OTOGL: variants seen among roughly 807,000 people sequenced by gnomAD.
The protein encoded by OTOGL is otogelin-like protein.
Under a neutral mutation model 318.5 loss-of-function variants are expected in OTOGL, and 285 were observed. That is an observed-to-expected ratio of 0.89 (90% CI 0.81 to 0.99). The LOEUF (loss-of-function observed/expected upper bound fraction) is 0.99. Among genes scored for constraint, OTOGL ranks in the 50% least tolerant of loss-of-function variants. The pLI, the probability that OTOGL is intolerant of heterozygous loss-of-function variation, is 0.00. For synonymous variants in OTOGL, 987 were observed against 936.5 expected, an observed-to-expected ratio of 1.05 and a Z score of -0.99; for missense variants, 2,899 against 2,845.6, an observed-to-expected ratio of 1.02 and a Z score of -0.43.
At chr12:80,297,671 C>T (rs903449856) in intron 27 of OTOGL, among the ~76,000 whole-genome samples, 1 of 152,108 alleles carries the variant, frequency 6.6e-6, no homozygotes, top group South Asian at 2.1e-4. Flanking sequence ...TAATATGTCA[C>T]TCTGGTTCTT....
intron 11 of OTOGL, among the ~76,000 whole-genome samples, chr12:80,241,199 A>T (rs1880345012): frequency 6.6e-6 from 1 of 152,076 alleles, no homozygotes; most frequent in Non-Finnish European, 1.5e-5. Context: ...AATTATTACA[A>T]AAATAACAAA....
intron 7 of OTOGL, among the ~76,000 whole-genome samples, chr12:80,224,944 ATG>A (rs1443681930): frequency 7.2e-5 from 11 of 152,202 alleles, no homozygotes; most frequent in African/African-American, 2.6e-4. Flanking sequence ...GGGGATGCAT[ATG>A]TCTTTCTCCA....
chr12:80,217,284 G>C (rs1877827634), intron 4 of OTOGL, among the ~76,000 whole-genome samples: 1 of 152,070 alleles, frequency 6.6e-6, no homozygotes, highest in East Asian at 1.9e-4. Context: ...TCGGGGGCTG[G>C]GGGGAAGACT....
chr12:80,239,792 A>G (rs923948526), intron 11 of OTOGL, among the ~76,000 whole-genome samples: 1 of 152,024 alleles, frequency 6.6e-6, no homozygotes, highest in Non-Finnish European at 1.5e-5. Flanking sequence ...AATGTTAGCT[A>G]TAGTCCCCCC....
chr12:80,378,074 C>T lies in OTOGL; in HGVS notation c.*26C>T. On this transcript the variant is annotated 3_prime_UTR_variant, in exon 59 of 59. Transcript: ENST00000547103. Reference sequence around the variant, plus strand: ...ACCCTTGGGTTCCAAGAGCTCTATACAACATCATAACGTCAGATAGAATTA... The same window carrying T: ...ACCCTTGGGTTCCAAGAGCTCTATATAACATCATAACGTCAGATAGAATTA... The T allele has an allele frequency of 4.1e-6, 6 of 1,479,360 alleles. No individual in the cohort carries two copies. Among genetic ancestry groups the T allele is most frequent in the Non-Finnish European group, 5.5e-6 (6 of 1,084,124 alleles). The allele number at this position is 1,479,360 out of a possible 1,614,324, so 91.6% of individuals were successfully genotyped here.
chr12:80,184,679 T>A (rs1875163696), intron 1 of OTOGL, among the ~76,000 whole-genome samples: 1 of 152,166 alleles, frequency 6.6e-6, no homozygotes, highest in African/African-American at 2.4e-5. Context: ...CATGTAATTG[T>A]TGAGTGTCCA....
chr12:80,148,022 G>A (rs545861056), intron 1 of OTOGL, among the ~76,000 whole-genome samples: 2 of 152,146 alleles, frequency 1.3e-5, no homozygotes, highest in Admixed American at 1.3e-4. Flanking sequence ...TTCCCAGTCT[G>A]TGTCTTAATT....
chr12:80,121,393 G>GA (rs1489412635), intron 1 of OTOGL, among the ~76,000 whole-genome samples: 2 of 152,090 alleles, frequency 1.3e-5, no homozygotes, highest in Non-Finnish European at 2.9e-5. Context: ...ATATTTTGGA[G>GA]AAAAAACACA....
chr12:80,323,097 TACACACACACACAC>T (rs200949284), intron 34 of OTOGL, among the ~76,000 whole-genome samples: 2,093 of 127,122 alleles, frequency 0.016, 21 homozygotes, highest in African/African-American at 0.022. Context: ...GAAAACCCAC[TACACACACACACAC>T]ACACACACAC....
At chr12:80,107,939 C>A (rs1170848044) in intron 1 of OTOGL, among the ~76,000 whole-genome samples, 1 of 151,844 alleles carries the variant, frequency 6.6e-6, no homozygotes, top group African/African-American at 2.4e-5. Flanking sequence ...GACACTGGGG[C>A]CTATTTGAGA....
At chr12:80,168,757 G>A (rs984366698) in intron 1 of OTOGL, among the ~76,000 whole-genome samples, 1 of 152,126 alleles carries the variant, frequency 6.6e-6, no homozygotes, top group Non-Finnish European at 1.5e-5. Context: ...GTCTTATCTT[G>A]TAAGTTATGA....
chr12:80,199,561 A>G (rs1876316206), intron 1 of OTOGL, among the ~76,000 whole-genome samples: 1 of 152,204 alleles, frequency 6.6e-6, no homozygotes, highest in Non-Finnish European at 1.5e-5. Context: ...GAATTAGTTT[A>G]ATAGATGATT....
chr12:80,135,186 C>G (rs943306985), intron 1 of OTOGL, among the ~76,000 whole-genome samples: 1 of 150,192 alleles, frequency 6.7e-6, no homozygotes, highest in Non-Finnish European at 1.5e-5. Context: ...CTAGGTTATA[C>G]TACTTATTAC....
intron 20 of OTOGL, chr12:80,266,155 T>A (rs1335296388): frequency 3.4e-6 from 1 of 290,160 alleles, no homozygotes; most frequent in African/African-American, 2.2e-5. Context: ...AAGGGCAGAA[T>A]TGAGTAGTTG....
At chr12:80,192,596 C>T (rs548242885) in intron 1 of OTOGL, among the ~76,000 whole-genome samples, 1 of 152,318 alleles carries the variant, frequency 6.6e-6, no homozygotes, top group Admixed American at 6.5e-5. Context: ...CTCCAAGATG[C>T]TGTGAAGCAT....
intron 23 of OTOGL, among the ~76,000 whole-genome samples, chr12:80,271,254 G>T (rs1017960652): frequency 2.6e-5 from 4 of 152,104 alleles, no homozygotes; most frequent in Non-Finnish European, 5.9e-5. Flanking sequence ...CTTTCTGGAA[G>T]AATATGGAGC....
intron 1 of OTOGL, among the ~76,000 whole-genome samples, chr12:80,142,646 C>G (rs1201019315): frequency 6.6e-6 from 1 of 152,134 alleles, no homozygotes; most frequent in Non-Finnish European, 1.5e-5. Context: ...CCTAGGAAAG[C>G]CAACTCTCAT....
intron 1 of OTOGL, among the ~76,000 whole-genome samples, chr12:80,112,978 T>G (rs2137083426): frequency 6.6e-6 from 1 of 152,294 alleles, no homozygotes; most frequent in South Asian, 2.1e-4. Context: ...CCTGGTTTAG[T>G]CTTGGGAAGG....
intron 1 of OTOGL, among the ~76,000 whole-genome samples, chr12:80,147,703 G>T (rs1414725417): frequency 6.6e-6 from 1 of 152,064 alleles, no homozygotes; most frequent in Non-Finnish European, 1.5e-5. Context: ...TCTCTTTGTA[G>T]GTCACTCAGG....
Sources: allele counts gnomAD v4.1 joint callset (sites outside exome capture counted in the v4.1 genomes callset), GRCh38; gene constraint gnomAD v4.1.1; transcripts MANE v1.5; gene names NCBI Gene and HGNC (gene_info 2026-07-23, HGNC 2026-07-21).